AMZ1: variants seen among roughly 807,000 people sequenced by gnomAD.
The protein encoded by AMZ1 is archaemetzincin-1.
In AMZ1, 39 loss-of-function variants were observed where a neutral mutation model predicts 29.9. That is an observed-to-expected ratio of 1.30 (90% CI 1.01 to 1.70). The LOEUF (loss-of-function observed/expected upper bound fraction) is 1.70, where lower values mean the gene tolerates loss of function less well. Ranked by LOEUF, AMZ1 falls within the 40% of genes most tolerant of loss-of-function variation. AMZ1 has a pLI of 0.00. For missense variants in AMZ1, 1,041 were observed against 680.6 expected, an observed-to-expected ratio of 1.53 and a Z score of -5.89; for synonymous variants, 458 against 304.0, an observed-to-expected ratio of 1.51 and a Z score of -5.27.
At chr7:2,763,172 G>C, upstream of AMZ1, 4 of 968,488 alleles carry the variant, frequency 4.1e-6, no homozygotes, top group Non-Finnish European at 5.1e-6. Context: ...GAGGTTAGCA[G>C]GACTTCACAA....
intron 4 of AMZ1, among the ~76,000 whole-genome samples, chr7:2,754,086 C>G (rs995224241): frequency 1.3e-5 from 2 of 152,164 alleles, no homozygotes; most frequent in African/African-American, 2.4e-5. Flanking sequence ...ACCTCCCCAC[C>G]AGTGATGAAT....
At chr7:2,681,985 G>A (rs1192502819) in intron 1 of AMZ1, among the ~76,000 whole-genome samples, 6 of 152,188 alleles carry the variant, frequency 3.9e-5, no homozygotes, top group East Asian at 1.9e-4. Context: ...CTGGGGGAGC[G>A]GGCTAAGGGC....
At chr7:2,758,907 G>C (rs1346100379) in intron 4 of AMZ1, among the ~76,000 whole-genome samples, 1 of 152,168 alleles carries the variant, frequency 6.6e-6, no homozygotes, top group Non-Finnish European at 1.5e-5. Flanking sequence ...CGCTCTGGGA[G>C]GCCGAGGTGG....
rs978254795 is a variant in AMZ1 at position 2,717,485 on chromosome 7, C to G, written c.*4607C>G. 2.0e-5 allele frequency among the ~76,000 whole-genome samples: 3 copies of G among 152,222 alleles called. No homozygotes were observed. The highest frequency in any genetic ancestry group is 7.2e-5 in the African/African-American group (3 of 41,460). On this transcript the variant is annotated 3_prime_UTR_variant, in exon 7 of 7. Transcript: ENST00000683327. ...ACCCAAGGGCTCTCTGGAGCTCACC[C>G]CGCACGCAGGCTGCTCCAGAGCTGA... is the stretch of plus-strand genomic sequence containing the variant.
chr7:2,713,242 G>GAA lies in AMZ1; in HGVS notation c.*373_*374dup. The stretch of plus-strand genomic sequence containing the variant: ...GGGCCACACAGAAAGACTGTCTCCA[G>GAA]AAAAAAAAAAGTTCTTTGGAGAAGC... On this transcript the variant is annotated 3_prime_UTR_variant, in exon 7 of 7. Transcript: ENST00000683327. The GAA allele has an allele frequency of 6.1e-6, 1 of 163,388 alleles. No individual in the cohort carries two copies. The highest frequency in any genetic ancestry group is 1.3e-5 in the Non-Finnish European group (1 of 76,650). The allele number at this position is 163,388 out of a possible 1,614,324, so 10.1% of individuals were successfully genotyped here. A position where few individuals can be genotyped will look rare whatever the true frequency, so the allele number is the denominator to read the frequency against.
At chr7:2,682,169 G>A (rs1043887449) in intron 1 of AMZ1, among the ~76,000 whole-genome samples, 1 of 152,180 alleles carries the variant, frequency 6.6e-6, no homozygotes, top group Non-Finnish European at 1.5e-5. Flanking sequence ...CTGGGCCGGG[G>A]CCAGGGCCAG....
At chr7:2,712,219 C>T in intron 6 of AMZ1, 111 bp from the exon 7 acceptor site, 1 of 1,197,354 alleles carries the variant, frequency 8.4e-7, no homozygotes, top group Non-Finnish European at 1.1e-6. Context: ...ACTCCCGCCC[C>T]TGGGTAACTG....
Position 2,716,697 on chromosome 7 carries a change from C to T in AMZ1, c.*3819C>T, listed in dbSNP as rs186657366. 1.5e-4 allele frequency among the ~76,000 whole-genome samples: 23 copies of T among 152,342 alleles called. No homozygotes were observed. The East Asian group carries it at 2.3e-3, about 15-fold the overall frequency. Reference sequence around the variant, plus strand: ...ACGGCCAGGCCTCGGAGAGAGGGACCGGCTGCCCTGCCCAAGGCCCACCTG... The same window carrying T: ...ACGGCCAGGCCTCGGAGAGAGGGACTGGCTGCCCTGCCCAAGGCCCACCTG... On this transcript the variant is annotated 3_prime_UTR_variant, in exon 7 of 7. Transcript: ENST00000683327.
At chr7:2,758,995 C>T (rs1002075760) in intron 4 of AMZ1, among the ~76,000 whole-genome samples, 16 of 151,812 alleles carry the variant, frequency 1.1e-4, no homozygotes, top group African/African-American at 2.4e-4. Flanking sequence ...CAAAAACTAG[C>T]GGGGCGTGGT....
upstream of AMZ1, among the ~76,000 whole-genome samples, chr7:2,686,149 C>T (rs1787069800): frequency 6.6e-6 from 1 of 152,212 alleles, no homozygotes; most frequent in Non-Finnish European, 1.5e-5. Flanking sequence ...CAGCGCAGAC[C>T]ATCAGGGTGT....
At chr7:2,758,771 G>A (rs1272389573) in intron 4 of AMZ1, among the ~76,000 whole-genome samples, 1 of 152,186 alleles carries the variant, frequency 6.6e-6, no homozygotes, top group East Asian at 1.9e-4. Context: ...TGGTTCAGTG[G>A]ATAATCAAGT....
chr7:2,715,807 C>T lies in AMZ1; in HGVS notation c.*2929C>T, dbSNP rs1789088959. ...GAGGAGAGAGAATGAGGGCTGCCTT[C>T]TCGAGGAAGGTCACAGCTCACGAAT... On this transcript the variant is annotated 3_prime_UTR_variant, in exon 7 of 7. Transcript: ENST00000683327. 6.6e-6 allele frequency: 1 copy of T among 152,190 alleles called. No homozygotes were observed. Among genetic ancestry groups the T allele is most frequent in the Admixed American group, 6.5e-5 (1 of 15,270 alleles). The allele number at this position is 152,190 out of a possible 1,614,324, so 9.4% of individuals were successfully genotyped here. A position where few individuals can be genotyped will look rare whatever the true frequency, so the allele number is the denominator to read the frequency against.
At chr7:2,753,496 C>T (rs1175715437) in intron 4 of AMZ1, among the ~76,000 whole-genome samples, 3 of 152,200 alleles carry the variant, frequency 2.0e-5, no homozygotes, top group African/African-American at 7.2e-5. Context: ...GGGATCTGCT[C>T]ACACTGTTGC....
chr7:2,734,593 C>A (rs975879291), intron 4 of AMZ1, among the ~76,000 whole-genome samples: 2 of 152,244 alleles, frequency 1.3e-5, no homozygotes, highest in African/African-American at 4.8e-5. Flanking sequence ...CGGCCAGCAC[C>A]TGCTCAGTCT....
At chr7:2,689,099 A>C (rs1451667195) in intron 1 of AMZ1, among the ~76,000 whole-genome samples, 1 of 152,044 alleles carries the variant, frequency 6.6e-6, no homozygotes, top group African/African-American at 2.4e-5. Flanking sequence ...GAGGTGAGAA[A>C]CCCCCAAAAC....
rs771653565 is a variant in AMZ1 at position 2,714,134 on chromosome 7, A to G, written c.*1256A>G. ...CTGTGGTGGAGGGTCTCTGGGAGAG[A>G]GACTTCCGGTTCTGACAGCGGAATC... On this transcript the variant is annotated 3_prime_UTR_variant, in exon 7 of 7. Transcript: ENST00000683327. 4.6e-5 allele frequency: 7 copies of G among 152,194 alleles called. No homozygotes were observed. The highest frequency in any genetic ancestry group is 1.0e-4 in the Non-Finnish European group (7 of 68,058). The allele number at this position is 152,194 out of a possible 1,614,324, so 9.4% of individuals were successfully genotyped here. A position where few individuals can be genotyped will look rare whatever the true frequency, so the allele number is the denominator to read the frequency against.
At chr7:2,750,189 C>G in intron 4 of AMZ1, among the ~76,000 whole-genome samples, 1 of 152,150 alleles carries the variant, frequency 6.6e-6, no homozygotes, top group Non-Finnish European at 1.5e-5. Flanking sequence ...CTCCCATCCT[C>G]ACAGCAGCGA....
At chr7:2,755,956 G>C (rs1438128945) in intron 4 of AMZ1, among the ~76,000 whole-genome samples, 2 of 152,216 alleles carry the variant, frequency 1.3e-5, no homozygotes, top group Admixed American at 6.5e-5. Flanking sequence ...TTTTTTGGTA[G>C]AAATTGACAA....
intron 1 of AMZ1, among the ~76,000 whole-genome samples, chr7:2,680,997 G>T (rs1250831527): frequency 6.6e-6 from 1 of 152,254 alleles, no homozygotes; most frequent in Non-Finnish European, 1.5e-5. Context: ...GGGCAGGGCG[G>T]CCTCCAGGTC....
Sources: gnomAD v4.1 joint callset for allele counts (sites outside exome capture counted in the v4.1 genomes callset) on GRCh38, gnomAD v4.1.1 for gene constraint, MANE v1.5 for transcripts, NCBI Gene and HGNC (gene_info 2026-07-23, HGNC 2026-07-21) for gene names.